The following PLSCR4 variants were observed in gnomAD, a reference collection of about 807,000 sequenced individuals.
The protein encoded by PLSCR4 is phospholipid scramblase 4.
PLSCR4 carries 25 observed loss-of-function variants against 36.3 expected under a neutral mutation model. The ratio of observed to expected loss-of-function variants is 0.69; its 90% CI spans 0.50 to 0.96. The LOEUF (loss-of-function observed/expected upper bound fraction) is 0.96. Ranked by LOEUF, PLSCR4 falls within the 40% of genes least tolerant of loss-of-function variation. The pLI is 0.00. For synonymous variants in PLSCR4, 122 were observed against 132.9 expected (o/e 0.92, Z 0.56); for missense variants, 408 against 414.7 (o/e 0.98, Z 0.14).
intron 1 of PLSCR4, among the ~76,000 whole-genome samples, chr3:146,234,049 T>C (rs2035820655): frequency 6.6e-6 from 1 of 152,182 alleles, no homozygotes; most frequent in South Asian, 2.1e-4. Context: ...ATGGATAACA[T>C]GCAGTAAACT....
intron 3 of PLSCR4, among the ~76,000 whole-genome samples, chr3:146,214,754 C>T (rs1165009543): frequency 6.6e-6 from 1 of 151,982 alleles, no homozygotes; most frequent in East Asian, 1.9e-4. Flanking sequence ...TATGCTATTA[C>T]GTCTAGAGTG....
chr3:146,200,910 A>G, intron 5 of PLSCR4, 125 bp downstream of exon 5: 1 of 631,194 alleles, frequency 1.6e-6, no homozygotes, highest in Non-Finnish European at 2.8e-6. Context: ...AGATAGGGTA[A>G]TAGAGCAGTT....
intron 4 of PLSCR4, 25 bp downstream of exon 4, chr3:146,206,501 A>G (rs2034335474): frequency 2.0e-6 from 3 of 1,532,428 alleles, no homozygotes; most frequent in African/African-American, 1.4e-5. Flanking sequence ...TTCATAAGAA[A>G]ATAATTTGTA....
chr3:146,225,247 C>T (rs1387608789), intron 1 of PLSCR4, among the ~76,000 whole-genome samples: 2 of 152,086 alleles, frequency 1.3e-5, no homozygotes, highest in Admixed American at 6.5e-5. Flanking sequence ...TACAGAGTGT[C>T]CATTGGTGCA....
intron 4 of PLSCR4, among the ~76,000 whole-genome samples, chr3:146,202,826 T>C (rs7612598): frequency 0.051 from 7,692 of 152,052 alleles, 604 homozygotes; most frequent in African/African-American, 0.17. Flanking sequence ...TCACCAGGAG[T>C]AAATTTCATC....
At chr3:146,249,328 T>C (rs1348453501) in intron 1 of PLSCR4, among the ~76,000 whole-genome samples, 1 of 152,240 alleles carries the variant, frequency 6.6e-6, no homozygotes, top group Non-Finnish European at 1.5e-5. Context: ...CTATTAACAG[T>C]GAGGAAAAGT....
At position 146,196,778 on chromosome 3, in the gene PLSCR4, G is replaced by T; in HGVS notation, c.640C>A (p.Pro214Thr). 6.2e-7 allele frequency: 1 copy of T among 1,613,776 alleles called. No homozygotes were observed. Among genetic ancestry groups the T allele is most frequent in the East Asian group, 2.2e-5 (1 of 44,872 alleles). ...ACAAAGCCAATGGTGACACCAGGAG[G>T]ACACTGCACCTCCAGCTGCAAACAA... Reference protein sequence around the residue: ...SARQELEVQCPPGVTIGFVAE... With the variant: ...SARQELEVQCTPGVTIGFVAE... Residue 214 changes from proline to threonine, a missense_variant, in exon 7 of 9, where the codon CCT becomes ACT. Coordinates refer to ENST00000354952, the MANE Select transcript of PLSCR4 (RefSeq NM_020353.3).
At chr3:146,230,891 G>A (rs2035683928) in intron 1 of PLSCR4, among the ~76,000 whole-genome samples, 1 of 151,922 alleles carries the variant, frequency 6.6e-6, no homozygotes, top group Non-Finnish European at 1.5e-5. Context: ...TTAGGTTCAG[G>A]GTGAACAAGT....
intron 3 of PLSCR4, among the ~76,000 whole-genome samples, chr3:146,217,713 T>C (rs1051279846): frequency 6.6e-6 from 1 of 152,100 alleles, no homozygotes; most frequent in Non-Finnish European, 1.5e-5. Flanking sequence ...GCCTCCAGTG[T>C]ATGGGAAGAA....
rs377246170 is a variant in PLSCR4, at chr3:146,225,046, G to C, written c.-21-2954C>G. ...TTACAAACCTTGAGCTAAATACAGA[G>C]TGCCAATTGGTGTATTTACAATCCC... On this transcript the variant is annotated intron_variant, in intron 1 of 8. Coordinates refer to ENST00000354952, the MANE Select transcript of PLSCR4 (RefSeq NM_020353.3). Among the ~76,000 whole-genome samples, 17 of 151,106 alleles carry C rather than the reference G, an allele frequency of 1.1e-4. No homozygotes were observed. In the East Asian group the frequency reaches 2.7e-3, roughly 24 times the overall value.
chr3:146,219,870 G>A (rs2035059895), intron 3 of PLSCR4, among the ~76,000 whole-genome samples: 1 of 152,110 alleles, frequency 6.6e-6, no homozygotes, highest in Non-Finnish European at 1.5e-5. Context: ...AACCTGGGAG[G>A]TGGAGGTTGT....
intron 1 of PLSCR4, among the ~76,000 whole-genome samples, chr3:146,224,508 C>T (rs929008963): frequency 4.0e-5 from 6 of 149,582 alleles, no homozygotes; most frequent in Admixed American, 1.3e-4. Flanking sequence ...CCGATGTATT[C>T]GGAGTTTCTT....
Position 146,195,176 on chromosome 3 carries a change from A to G in PLSCR4, c.893T>C (p.Leu298Pro). 3 of 1,613,960 alleles carry G rather than the reference A, an allele frequency of 1.9e-6. No homozygotes were observed. Among genetic ancestry groups the G allele is most frequent in the Non-Finnish European group, 2.5e-6 (3 of 1,179,854 alleles). Residue 298 changes from leucine (L) to proline (P), a missense_variant, in exon 8 of 9, where the codon CTA becomes CCA. Coordinates refer to ENST00000354952, the MANE Select transcript of PLSCR4 (RefSeq NM_020353.3). ...DADHFDIHFP[L>P]DLDVKMKAMI... is the part of the protein sequence containing the mutation. ...GGCTTTCATCTTCACATCCAGGTCT[A>G]GTGGGAAGTGAATGTCAAAATGGTC...
intron 1 of PLSCR4, among the ~76,000 whole-genome samples, chr3:146,246,585 G>A (rs2036347979): frequency 6.6e-6 from 1 of 151,946 alleles, no homozygotes; most frequent in South Asian, 2.1e-4. Context: ...AAAGGGAAAT[G>A]TTTTTGTTAT....
At chr3:146,219,037 T>A (rs2035018635) in intron 3 of PLSCR4, among the ~76,000 whole-genome samples, 1 of 152,222 alleles carries the variant, frequency 6.6e-6, no homozygotes, top group Admixed American at 6.5e-5. Context: ...ATTCTTAATT[T>A]GAGTCACAGA....
chr3:146,195,546 G>A (rs1019458181), intron 7 of PLSCR4, among the ~76,000 whole-genome samples: 1 of 152,188 alleles, frequency 6.6e-6, no homozygotes, highest in Non-Finnish European at 1.5e-5. Flanking sequence ...GAAGAGGTAT[G>A]ATTTGAACTG....
intron 4 of PLSCR4, among the ~76,000 whole-genome samples, chr3:146,201,898 A>G (rs1314063023): frequency 6.6e-6 from 1 of 152,084 alleles, no homozygotes; most frequent in Non-Finnish European, 1.5e-5. Flanking sequence ...TTATATTTGT[A>G]TAATTTTACA....
At chr3:146,219,118 T>C (rs560939943) in intron 3 of PLSCR4, among the ~76,000 whole-genome samples, 4 of 152,370 alleles carry the variant, frequency 2.6e-5, no homozygotes, top group African/African-American at 7.2e-5. Flanking sequence ...AATTTTGCTA[T>C]ATTTTATAAC....
At chr3:146,229,718 G>A (rs1215234404) in intron 1 of PLSCR4, among the ~76,000 whole-genome samples, 1 of 151,574 alleles carries the variant, frequency 6.6e-6, no homozygotes, top group Admixed American at 6.6e-5. Flanking sequence ...TCCGCCTCCC[G>A]GGTCCACGCC....
Sources: gnomAD v4.1 joint callset for allele counts (sites outside exome capture counted in the v4.1 genomes callset) on GRCh38, gnomAD v4.1.1 for gene constraint, MANE v1.5 for transcripts, NCBI Gene and HGNC (gene_info 2026-07-23, HGNC 2026-07-21) for gene names.